The following SIPA1L2 variants were observed in gnomAD, a reference collection of about 807,000 sequenced individuals.
SIPA1L2 encodes signal induced proliferation associated 1 like 2.
A neutral mutation model predicts 163.9 loss-of-function variants in SIPA1L2; 56 were observed. That is an observed-to-expected ratio of 0.34 (90% CI 0.28 to 0.43). The LOEUF is 0.43. SIPA1L2 is among the 20% of genes least tolerant of loss of function. The pLI, the probability that SIPA1L2 is intolerant of heterozygous loss-of-function variation, is 1.00. For synonymous variants in SIPA1L2, 877 were observed against 865.7 expected, an observed-to-expected ratio of 1.01 and a Z score of -0.23; for missense variants, 1,974 against 2,193.5, an observed-to-expected ratio of 0.90 and a Z score of 2.00.
At chr1:232,629,036 T>C (rs907789219) in intron 1 of SIPA1L2, among the ~76,000 whole-genome samples, 1 of 152,240 alleles carries the variant, frequency 6.6e-6, no homozygotes, top group African/African-American at 2.4e-5. Context: ...CACAATTCCG[T>C]AACCAATGCA....
chr1:232,446,020 C>T (rs1028074280), intron 10 of SIPA1L2, among the ~76,000 whole-genome samples: 9 of 152,272 alleles, frequency 5.9e-5, no homozygotes, highest in South Asian at 2.1e-4. Flanking sequence ...ATGAGAAAGG[C>T]GGTTTGTGGC....
At chr1:232,498,320 T>G (rs1666300205) in intron 3 of SIPA1L2, among the ~76,000 whole-genome samples, 1 of 152,238 alleles carries the variant, frequency 6.6e-6, no homozygotes, top group East Asian at 1.9e-4. Flanking sequence ...TCTTGGAGGC[T>G]GCAGCAGGCA....
intron 2 of SIPA1L2, among the ~76,000 whole-genome samples, chr1:232,571,786 T>C (rs1320863095): frequency 6.6e-6 from 1 of 152,192 alleles, no homozygotes; most frequent in East Asian, 1.9e-4. Context: ...ATTCTTCCAC[T>C]CTCACCACGT....
intron 2 of SIPA1L2, among the ~76,000 whole-genome samples, chr1:232,562,974 T>C (rs534527957): frequency 2.4e-4 from 37 of 152,316 alleles, no homozygotes; most frequent in African/African-American, 7.9e-4. Flanking sequence ...TGGCATCACC[T>C]GTTAGACTGC....
intron 2 of SIPA1L2, among the ~76,000 whole-genome samples, chr1:232,548,755 AG>A (rs1658202150): frequency 6.6e-6 from 1 of 152,146 alleles, no homozygotes; most frequent in Admixed American, 6.5e-5. Flanking sequence ...CCCTGAACAG[AG>A]GGGGCCCAGA....
At chr1:232,401,552 G>T (rs1018263835) in intron 22 of SIPA1L2, among the ~76,000 whole-genome samples, 9 of 152,172 alleles carry the variant, frequency 5.9e-5, no homozygotes, top group African/African-American at 2.2e-4. Flanking sequence ...CCCTGTGTAT[G>T]TGAATGAACA....
At chr1:232,547,761 C>T (rs941601398) in intron 2 of SIPA1L2, among the ~76,000 whole-genome samples, 3 of 152,122 alleles carry the variant, frequency 2.0e-5, no homozygotes, top group African/African-American at 7.2e-5. Flanking sequence ...GATTAGCCAA[C>T]GTTATCTCAC....
At chr1:232,602,899 G>A (rs949854541) in intron 1 of SIPA1L2, among the ~76,000 whole-genome samples, 2 of 152,186 alleles carry the variant, frequency 1.3e-5, no homozygotes, top group Non-Finnish European at 2.9e-5. Flanking sequence ...TTTAATTTTA[G>A]TTAACCTAAA....
At chr1:232,452,857 C>T (rs2102894442) in intron 10 of SIPA1L2, among the ~76,000 whole-genome samples, 1 of 152,308 alleles carries the variant, frequency 6.6e-6, no homozygotes. Context: ...AGAATAGTAA[C>T]AGCAGAGGGT....
intron 9 of SIPA1L2, 73 bp downstream of exon 9, chr1:232,464,767 C>A (rs1664420049): frequency 1.7e-6 from 2 of 1,210,554 alleles, no homozygotes; most frequent in African/African-American, 1.5e-5. Flanking sequence ...GGTAGCAGTT[C>A]CCCAGTGAAA....
At chr1:232,482,371 G>A (rs1333166795) in intron 6 of SIPA1L2, among the ~76,000 whole-genome samples, 1 of 151,930 alleles carries the variant, frequency 6.6e-6, no homozygotes. Context: ...GGTTTTCCTG[G>A]AGGGACATCC....
chr1:232,571,917 T>C (rs143127659), intron 2 of SIPA1L2, among the ~76,000 whole-genome samples: 39 of 152,196 alleles, frequency 2.6e-4, no homozygotes, highest in Non-Finnish European at 5.1e-4. Flanking sequence ...AAACCCCTTT[T>C]CTTTGTAAAT....
chr1:232,572,726 T>TATAC (rs59721044), intron 2 of SIPA1L2, among the ~76,000 whole-genome samples: 3 of 79,510 alleles, frequency 3.8e-5, no homozygotes, highest in Admixed American at 1.9e-4. Flanking sequence ...TACACACATA[T>TATAC]ATACATACAT....
At chr1:232,627,532 GA>G (rs551187304) in intron 1 of SIPA1L2, among the ~76,000 whole-genome samples, 2,554 of 141,966 alleles carry the variant, frequency 0.018, 36 homozygotes, top group African/African-American at 0.039. Flanking sequence ...GTGAGGGGGA[GA>G]AAAAAAAAAA....
At chr1:232,617,186 T>C (rs1004851438) in intron 1 of SIPA1L2, among the ~76,000 whole-genome samples, 7 of 152,226 alleles carry the variant, frequency 4.6e-5, no homozygotes, top group African/African-American at 1.7e-4. Context: ...TATGTCAGGA[T>C]CCATCTCTTC....
At chr1:232,502,697 A>T (rs1190641589) in intron 3 of SIPA1L2, among the ~76,000 whole-genome samples, 1 of 152,214 alleles carries the variant, frequency 6.6e-6, no homozygotes, top group Non-Finnish European at 1.5e-5. Flanking sequence ...GTTTACAAGC[A>T]TCACACCTGC....
At position 232,399,255 on chromosome 1, in the gene SIPA1L2, C is replaced by G. The variant is rs373931052; in HGVS notation, c.5041G>C (p.Val1681Leu). 1 of 1,613,434 alleles carries G rather than the reference C, an allele frequency of 6.2e-7. No individual in the cohort carries two copies. The highest frequency in any genetic ancestry group is 2.2e-5 in the East Asian group (1 of 44,844). Reference sequence around the variant, plus strand: ...AGGTGCTGCACTTCTGCTTGGAGAACGGCCTTGTCTTGTTTTTCCTGGTCA... The same window carrying G: ...AGGTGCTGCACTTCTGCTTGGAGAAGGGCCTTGTCTTGTTTTTCCTGGTCA... ...DLRKEKQDKA[V>L]LQAEVQHLRQ... The change falls in exon 23 of 23, where the codon GTT becomes CTT. Residue 1681 changes from valine (V) to leucine (L), a missense_variant. Coordinates refer to ENST00000674635, the MANE Select transcript of SIPA1L2 (RefSeq NM_020808.5).
intron 2 of SIPA1L2, among the ~76,000 whole-genome samples, chr1:232,555,280 G>A (rs1658636876): frequency 6.6e-6 from 1 of 152,204 alleles, no homozygotes; most frequent in Admixed American, 6.5e-5. Flanking sequence ...AAGCCAGAGT[G>A]GGAGAGCAGG....
chr1:232,604,404 T>A (rs1661777390), intron 1 of SIPA1L2, among the ~76,000 whole-genome samples: 1 of 152,216 alleles, frequency 6.6e-6, no homozygotes, highest in South Asian at 2.1e-4. Context: ...AGATGTTCAA[T>A]AACGCAGAAA....
Sources: gnomAD v4.1 joint callset for allele counts (sites outside exome capture counted in the v4.1 genomes callset) on GRCh38, gnomAD v4.1.1 for gene constraint, MANE v1.5 for transcripts, NCBI Gene and HGNC (gene_info 2026-07-23, HGNC 2026-07-21) for gene names.